The following NPRL3 variants were observed in gnomAD, a reference collection of about 807,000 sequenced individuals.
NPRL3 encodes the protein NPR3 like, GATOR1 complex subunit.
A neutral mutation model predicts 57.2 loss-of-function variants in NPRL3; 23 were observed. The ratio of observed to expected loss-of-function variants is 0.40; its 90% CI spans 0.29 to 0.57. The LOEUF (loss-of-function observed/expected upper bound fraction) is 0.57, where lower values mean the gene tolerates loss of function less well. NPRL3 is among the 20% of genes least tolerant of loss of function. The pLI is 0.42. For synonymous variants in NPRL3, 333 were observed against 321.1 expected (o/e 1.04, Z -0.39); for missense variants, 691 against 767.1 (o/e 0.90, Z 1.17).
At position 88,890 on chromosome 16, in the gene NPRL3, G is replaced by C; in HGVS notation, c.1352C>G (p.Thr451Ser). ...GGTGAGGGTCATGTCATCGCTGCTGGCTGTGGGGGACATGGGTCAGGGTGA... is the reference window on the plus strand; with the variant it reads ...GGTGAGGGTCATGTCATCGCTGCTGCCTGTGGGGGACATGGGTCAGGGTGA... ...TPNALSFGSP[T>S]SSDDMTLTSP... Residue 451 changes from threonine (T) to serine (S), a missense_variant and splice_region_variant, in exon 13 of 14, where the codon ACC (threonine) becomes AGC (serine). Physicochemically the swap from Thr to Ser is moderately conservative, Grantham distance 58 (BLOSUM62 1). Coordinates refer to ENST00000611875, the MANE Select transcript of NPRL3 (RefSeq NM_001077350.3). 1 of 1,608,092 alleles carries C rather than the reference G, an allele frequency of 6.2e-7. No individual in the cohort carries two copies. The highest frequency in any genetic ancestry group is 1.7e-4 in the Middle Eastern group (1 of 6,040).
At chr16:137,848 G>A (rs1460020084) in intron 2 of NPRL3, among the ~76,000 whole-genome samples, 3 of 151,836 alleles carry the variant, frequency 2.0e-5, no homozygotes, top group South Asian at 2.1e-4. Context: ...TACCGCCACC[G>A]GCCTTGTTCG....
At chr16:124,174 A>C (rs965280811) in intron 3 of NPRL3, among the ~76,000 whole-genome samples, 6 of 152,204 alleles carry the variant, frequency 3.9e-5, no homozygotes, top group Non-Finnish European at 8.8e-5. Flanking sequence ...CCCCACGCTC[A>C]ACGCTTACCA....
At chr16:111,127 C>T (rs955049551) in intron 6 of NPRL3, among the ~76,000 whole-genome samples, 8 of 151,908 alleles carry the variant, frequency 5.3e-5, no homozygotes, top group East Asian at 1.9e-4. Flanking sequence ...TAACCGGGCG[C>T]GGTGGCTCAC....
intron 8 of NPRL3, 126 bp downstream of exon 8, chr16:100,246 C>T (rs1899218533): frequency 9.6e-7 from 1 of 1,036,914 alleles, no homozygotes. Flanking sequence ...AGAGCCCCAC[C>T]TGCAAGCTTC....
chr16:100,334 C>A, intron 8 of NPRL3, 38 bp downstream of exon 8: 1 of 1,445,306 alleles, frequency 6.9e-7, no homozygotes. Flanking sequence ...AAGGGAAGGG[C>A]CCTGGCAGGG....
intron 2 of NPRL3, among the ~76,000 whole-genome samples, chr16:137,465 G>A (rs1404574438): frequency 6.6e-6 from 1 of 152,152 alleles, no homozygotes; most frequent in East Asian, 1.9e-4. Context: ...CTATGCACAG[G>A]GCAGACAACT....
intron 3 of NPRL3, among the ~76,000 whole-genome samples, chr16:119,651 T>A (rs1900201785): frequency 6.6e-6 from 1 of 152,244 alleles, no homozygotes; most frequent in South Asian, 2.1e-4. Context: ...TTTGCTGTGC[T>A]GCACCTTCAA....
chr16:115,071 C>T (rs1022324733), intron 5 of NPRL3, among the ~76,000 whole-genome samples: 2 of 151,760 alleles, frequency 1.3e-5, no homozygotes, highest in Non-Finnish European at 2.9e-5. Context: ...ACCTTCCAGG[C>T]TCAGGTGATC....
chr16:107,608 A>G (rs917839809), intron 7 of NPRL3, among the ~76,000 whole-genome samples: 11 of 152,002 alleles, frequency 7.2e-5, no homozygotes, highest in African/African-American at 2.7e-4. Flanking sequence ...AAAAAAAAAA[A>G]AAAAGAAGAA....
At chr16:103,699 G>T (rs1196264364) in intron 7 of NPRL3, among the ~76,000 whole-genome samples, 1 of 152,180 alleles carries the variant, frequency 6.6e-6, no homozygotes, top group African/African-American at 2.4e-5. Flanking sequence ...CACATAATTG[G>T]CCGGGCGTGG....
In NPRL3 at chr16:89,821, A is replaced by G. The variant is rs546525405; in HGVS notation, c.1243T>C (p.Ser415Pro). ...GGACGGGGCTCCTCCTCGCTGGGTGAGGCCATCAGGCAGACATAGGTGTGC... is the reference window on the plus strand; with the variant it reads ...GGACGGGGCTCCTCCTCGCTGGGTGGGGCCATCAGGCAGACATAGGTGTGC... Reference protein sequence around the residue: ...QLHTYVCLMASPSEEEPRPRE... With the variant: ...QLHTYVCLMAPPSEEEPRPRE... The change falls in exon 12 of 14, where the codon TCA becomes CCA. Residue 415 changes from serine to proline, a missense_variant. Transcript: ENST00000611875. 1.3e-5 allele frequency: 21 copies of G among 1,587,960 alleles called. No homozygotes were observed. The highest frequency in any genetic ancestry group is 6.9e-5 in the South Asian group (6 of 86,990).
chr16:112,476 G>C (rs985233919), intron 6 of NPRL3, 146 bp downstream of exon 6: 2 of 751,448 alleles, frequency 2.7e-6, no homozygotes, highest in Non-Finnish European at 3.8e-6. Context: ...GCAAGCTCCT[G>C]ACTGCTCTGC....
At chr16:110,421 A>T in intron 7 of NPRL3, 104 bp downstream of exon 7, 1 of 830,268 alleles carries the variant, frequency 1.2e-6, no homozygotes, top group Non-Finnish European at 2.0e-6. Context: ...ACCCCAGGAG[A>T]ACAGTGGTCA....
chr16:130,621 TAAG>T, intron 2 of NPRL3, 30 bp from the exon 3 acceptor site: 1 of 1,549,558 alleles, frequency 6.5e-7, no homozygotes. Context: ...GGGGAAGGGC[TAAG>T]AAAACAGGGT....
chr16:113,193 G>A (rs551624442), intron 5 of NPRL3, among the ~76,000 whole-genome samples: 10 of 152,348 alleles, frequency 6.6e-5, no homozygotes, highest in Middle Eastern at 3.4e-3. Flanking sequence ...GCTAGTGTCT[G>A]TGGTCACCAC....
chr16:125,885 G>A (rs1319964709), intron 3 of NPRL3: 2 of 152,260 alleles, frequency 1.3e-5, no homozygotes, highest in Non-Finnish European at 2.9e-5. Flanking sequence ...CCTAACAAGA[G>A]AGGCCCTGGC....
intron 13 of NPRL3, among the ~76,000 whole-genome samples, chr16:88,387 CAAAAAAAAA>C (rs56670370): frequency 1.8e-4 from 24 of 130,928 alleles, no homozygotes; most frequent in Admixed American, 2.9e-4. Context: ...GACTCCGTCT[CAAAAAAAAA>C]AAAAAAAAAA....
At chr16:102,358 C>T (rs1337156680) in intron 7 of NPRL3, among the ~76,000 whole-genome samples, 1 of 152,210 alleles carries the variant, frequency 6.6e-6, no homozygotes, top group Non-Finnish European at 1.5e-5. Context: ...TCCCCGGAGG[C>T]TCCAGGCAAC....
At chr16:120,469 T>C (rs1900235398) in intron 3 of NPRL3, among the ~76,000 whole-genome samples, 1 of 152,178 alleles carries the variant, frequency 6.6e-6, no homozygotes, top group Admixed American at 6.5e-5. Context: ...AGCTCTGTAA[T>C]AGCAAATGGC....
Sources: allele counts gnomAD v4.1 joint callset (sites outside exome capture counted in the v4.1 genomes callset), GRCh38; gene constraint gnomAD v4.1.1; transcripts MANE v1.5; gene names NCBI Gene and HGNC (gene_info 2026-07-23, HGNC 2026-07-21).